MARCHF1: variants seen among roughly 807,000 people sequenced by gnomAD.
MARCHF1 encodes E3 ubiquitin-protein ligase MARCHF1.
MARCHF1 carries 40 observed loss-of-function variants against 54.2 expected under a neutral mutation model. The observed-to-expected ratio is 0.74, with a 90% CI of 0.57 to 0.96. The LOEUF is 0.96. Ranked by LOEUF, MARCHF1 falls within the 40% of genes least tolerant of loss-of-function variation. MARCHF1 has a pLI of 0.00. For missense variants in MARCHF1, 586 were observed against 656.5 expected, an observed-to-expected ratio of 0.89 and a Z score of 1.17; for synonymous variants, 236 against 236.3, an observed-to-expected ratio of 1.00 and a Z score of 0.01.
intron 7 of MARCHF1, among the ~76,000 whole-genome samples, chr4:163,610,281 T>C (rs999428849): frequency 4.6e-5 from 7 of 152,094 alleles, no homozygotes; most frequent in Admixed American, 4.6e-4. Context: ...TTTGCTACTT[T>C]TTATCCTCAG....
At chr4:163,757,021 T>C (rs1746697443) in intron 4 of MARCHF1, among the ~76,000 whole-genome samples, 1 of 152,198 alleles carries the variant, frequency 6.6e-6, no homozygotes, top group African/African-American at 2.4e-5. Context: ...ATTGAAGACT[T>C]ACATGGATTT....
chr4:163,768,564 A>T (rs990722259), intron 4 of MARCHF1, among the ~76,000 whole-genome samples: 1 of 152,316 alleles, frequency 6.6e-6, no homozygotes, highest in South Asian at 2.1e-4. Flanking sequence ...AAAAGTGTGA[A>T]ATATTTTATT....
intron 3 of MARCHF1, among the ~76,000 whole-genome samples, chr4:163,905,018 TA>T (rs1388911853): frequency 6.6e-6 from 1 of 152,078 alleles, no homozygotes; most frequent in African/African-American, 2.4e-5. Flanking sequence ...ATATTTTATT[TA>T]AGATATATCA....
At position 163,563,767 on chromosome 4, in the gene MARCHF1, G is replaced by A. The variant is rs73870605; in HGVS notation, c.1192-18024C>T. Reference sequence around the variant, plus strand: ...TATGTAACAATGCACATACCACAATGCTTGGCACTATTAAGCAATGTGTGA... The same window carrying A: ...TATGTAACAATGCACATACCACAATACTTGGCACTATTAAGCAATGTGTGA... On this transcript the variant is annotated intron_variant, in intron 8 of 9. Transcript: ENST00000514618. 6.9e-3 allele frequency among the ~76,000 whole-genome samples: 1,057 copies of A among 152,278 alleles called. 16 individuals carry two copies. Among genetic ancestry groups the A allele is most frequent in the African/African-American group, 0.024 (1,008 of 41,560 alleles).
At chr4:163,566,901 A>G (rs1327503896) in intron 8 of MARCHF1, among the ~76,000 whole-genome samples, 2 of 152,178 alleles carry the variant, frequency 1.3e-5, no homozygotes, top group Non-Finnish European at 2.9e-5. Flanking sequence ...GAATGCAGAA[A>G]ATCCACACAA....
At chr4:164,008,605 TA>T (rs372203827) in intron 2 of MARCHF1, among the ~76,000 whole-genome samples, 5 of 150,888 alleles carry the variant, frequency 3.3e-5, no homozygotes, top group Non-Finnish European at 5.9e-5. Context: ...TCTGAACAAA[TA>T]AAAAAAAGGC....
At chr4:163,918,391 T>C (rs904480211) in intron 3 of MARCHF1, among the ~76,000 whole-genome samples, 1 of 152,130 alleles carries the variant, frequency 6.6e-6, no homozygotes, top group Admixed American at 6.6e-5. Context: ...GTTATACCTT[T>C]TATGGTGTCT....
chr4:164,354,417 G>C (rs1207074469), intron 1 of MARCHF1, among the ~76,000 whole-genome samples: 1 of 135,366 alleles, frequency 7.4e-6, no homozygotes, highest in Non-Finnish European at 1.6e-5. Flanking sequence ...TATCCACCAT[G>C]ATCAAGTGGG....
chr4:163,923,428 T>C (rs1017923993), intron 3 of MARCHF1, among the ~76,000 whole-genome samples: 1 of 152,066 alleles, frequency 6.6e-6, no homozygotes, highest in Non-Finnish European at 1.5e-5. Flanking sequence ...ATAAACTTCG[T>C]TTTCTGTAAT....
At chr4:163,813,827 T>C (rs1174758597) in intron 4 of MARCHF1, among the ~76,000 whole-genome samples, 1 of 152,144 alleles carries the variant, frequency 6.6e-6, no homozygotes, top group Non-Finnish European at 1.5e-5. Flanking sequence ...AGGGCTTGCA[T>C]GTCTGACATA....
At chr4:163,736,141 A>G (rs1408366450) in intron 4 of MARCHF1, among the ~76,000 whole-genome samples, 3 of 152,190 alleles carry the variant, frequency 2.0e-5, no homozygotes, top group Non-Finnish European at 2.9e-5. Flanking sequence ...CCTATTAAGT[A>G]GAAAACTTTC....
chr4:163,961,056 G>A (rs900102159), intron 3 of MARCHF1, among the ~76,000 whole-genome samples: 1 of 151,812 alleles, frequency 6.6e-6, no homozygotes. Flanking sequence ...ACCCAACCCT[G>A]TTGGATTAGG....
At chr4:164,029,890 C>T (rs1462856419) in intron 2 of MARCHF1, among the ~76,000 whole-genome samples, 10 of 152,192 alleles carry the variant, frequency 6.6e-5, no homozygotes, top group African/African-American at 1.2e-4. Context: ...TCATCATACC[C>T]GGCCCAGGAT....
At chr4:164,370,045 T>C (rs554314034) in intron 1 of MARCHF1, among the ~76,000 whole-genome samples, 2 of 152,358 alleles carry the variant, frequency 1.3e-5, no homozygotes, top group Admixed American at 1.3e-4. Flanking sequence ...ACGTTAATTA[T>C]ACCATCATTG....
intron 8 of MARCHF1, among the ~76,000 whole-genome samples, chr4:163,546,518 T>C (rs1738912334): frequency 6.6e-6 from 1 of 152,224 alleles, no homozygotes; most frequent in Non-Finnish European, 1.5e-5. Context: ...CAACTGGACA[T>C]AGTTTTACAT....
At chr4:163,611,664 A>G (rs550596577) in intron 7 of MARCHF1, among the ~76,000 whole-genome samples, 1 of 152,130 alleles carries the variant, frequency 6.6e-6, no homozygotes, top group Non-Finnish European at 1.5e-5. Flanking sequence ...CATAGCTAGA[A>G]AATATCCACA....
At chr4:164,011,415 C>T (rs1404601602) in intron 2 of MARCHF1, among the ~76,000 whole-genome samples, 4 of 152,062 alleles carry the variant, frequency 2.6e-5, no homozygotes, top group African/African-American at 9.7e-5. Context: ...GCTCAGACAA[C>T]TCAACAGACA....
intron 5 of MARCHF1, among the ~76,000 whole-genome samples, chr4:163,676,619 G>T (rs1435325746): frequency 6.6e-6 from 1 of 152,124 alleles, no homozygotes; most frequent in Admixed American, 6.5e-5. Context: ...GGCAGGGCAT[G>T]GTGGCAAATT....
At chr4:163,846,511 T>C (rs1749489615) in intron 4 of MARCHF1, among the ~76,000 whole-genome samples, 2 of 152,122 alleles carry the variant, frequency 1.3e-5, no homozygotes, top group Admixed American at 1.3e-4. Flanking sequence ...AGGATGTCAC[T>C]GGTAAATATT....
Sources: gnomAD v4.1 joint callset for allele counts (sites outside exome capture counted in the v4.1 genomes callset) on GRCh38, gnomAD v4.1.1 for gene constraint, MANE v1.5 for transcripts, NCBI Gene and HGNC (gene_info 2026-07-23, HGNC 2026-07-21) for gene names.